Variants in NCOA7 observed in about 807,000 individuals in gnomAD.
NCOA7 encodes the protein nuclear receptor coactivator 7, also known as 140 kDa estrogen receptor-associated protein.
In NCOA7, 45 loss-of-function variants were observed where a neutral mutation model predicts 104.3. The ratio of observed to expected loss-of-function variants is 0.43; its 90% CI spans 0.34 to 0.55. The LOEUF (loss-of-function observed/expected upper bound fraction) is 0.55. Among genes scored for constraint, NCOA7 ranks in the 20% least tolerant of loss-of-function variants. NCOA7 has a pLI of 0.02. For missense variants in NCOA7, 1,041 were observed against 1,119.7 expected, an observed-to-expected ratio of 0.93 and a Z score of 1.00; for synonymous variants, 398 against 402.3, an observed-to-expected ratio of 0.99 and a Z score of 0.13.
At chr6:125,847,934 C>A (rs1433083307) in intron 2 of NCOA7, among the ~76,000 whole-genome samples, 1 of 151,960 alleles carries the variant, frequency 6.6e-6, no homozygotes, top group Non-Finnish European at 1.5e-5. Flanking sequence ...CCAGAATCTA[C>A]AAAGAACTCA....
intron 1 of NCOA7, among the ~76,000 whole-genome samples, chr6:125,799,077 T>C (rs961010677): frequency 6.6e-6 from 1 of 152,164 alleles, no homozygotes; most frequent in South Asian, 2.1e-4. Context: ...GGCTTTCTCC[T>C]GGAAGTTTAA....
rs773178871 is a variant in NCOA7 at position 125,915,423 on chromosome 6, G to T, written c.2187G>T (p.Lys729Asn). Reference sequence around the variant, plus strand: ...AGCAAGGCTTTGTGGTGGTGGAGAAGGAAGAACTGAACATGATTGACAACT... The same window carrying T: ...AGCAAGGCTTTGTGGTGGTGGAGAATGAAGAACTGAACATGATTGACAACT... ...AKEQGFVVVE[K>N]EELNMIDNFF... is the part of the protein sequence containing the mutation. Residue 729 changes from lysine (K) to asparagine (N), a missense_variant, in exon 11 of 16, where the codon AAG (lysine) becomes AAT (asparagine). By Grantham distance (94) the Lys-to-Asn change is moderately conservative (BLOSUM62 0). Coordinates refer to ENST00000392477, the MANE Select transcript of NCOA7 (RefSeq NM_181782.5). The T allele has an allele frequency of 6.2e-7, 1 of 1,613,908 alleles. No homozygotes were observed. The highest frequency in any genetic ancestry group is 8.5e-7 in the Non-Finnish European group (1 of 1,179,856).
intron 3 of NCOA7, among the ~76,000 whole-genome samples, chr6:125,861,207 A>T (rs1206214369): frequency 2.6e-5 from 4 of 152,216 alleles, no homozygotes; most frequent in Non-Finnish European, 5.9e-5. Flanking sequence ...GTTTTTTGAC[A>T]ATGTGGAAGT....
intron 2 of NCOA7, among the ~76,000 whole-genome samples, chr6:125,840,800 C>T (rs1424157626): frequency 1.3e-5 from 2 of 148,524 alleles, no homozygotes; most frequent in African/African-American, 5.0e-5. Flanking sequence ...CTTGAGTCAT[C>T]GTGCCTGGAC....
At chr6:125,895,338 C>T (rs997615767) in intron 10 of NCOA7, among the ~76,000 whole-genome samples, 2 of 151,662 alleles carry the variant, frequency 1.3e-5, no homozygotes, top group African/African-American at 2.4e-5. Context: ...AATAAGAAAG[C>T]GAAGGGAGAG....
chr6:125,880,392 C>G (rs1416602634), intron 5 of NCOA7, among the ~76,000 whole-genome samples: 1 of 152,010 alleles, frequency 6.6e-6, no homozygotes, highest in Non-Finnish European at 1.5e-5. Context: ...GAGGGCTCTT[C>G]CCTCTCTCCT....
At chr6:125,825,646 G>T (rs1403816565) in intron 2 of NCOA7, among the ~76,000 whole-genome samples, 1 of 152,182 alleles carries the variant, frequency 6.6e-6, no homozygotes, top group South Asian at 2.1e-4. Context: ...CAGTAATTTG[G>T]TTATTTTATT....
At chr6:125,840,864 GTTGGTTTTTTTTTTTTTTTTT>G (rs1780067305) in intron 2 of NCOA7, among the ~76,000 whole-genome samples, 1 of 64,062 alleles carries the variant, frequency 1.6e-5, no homozygotes, top group Non-Finnish European at 2.9e-5. Flanking sequence ...TTTTTGTTTG[GTTGGTTTTTTTTTTTTTTTTT>G]TTTTTTTTTT....
chr6:125,861,629 C>T (rs952311077), intron 3 of NCOA7, among the ~76,000 whole-genome samples: 2 of 152,102 alleles, frequency 1.3e-5, no homozygotes, highest in Admixed American at 1.3e-4. Context: ...TAGGCCTGTG[C>T]TTCTTGGGAC....
chr6:125,790,634 G>C (rs1458460682), upstream of NCOA7: 29 of 151,730 alleles, frequency 1.9e-4, no homozygotes, highest in Admixed American at 1.7e-3. Context: ...CGAGCTCCCA[G>C]GCCCCCGCAA....
intron 3 of NCOA7, among the ~76,000 whole-genome samples, chr6:125,869,144 T>A (rs1313887411): frequency 3.9e-5 from 6 of 152,194 alleles, no homozygotes. Flanking sequence ...CTGTACGGAT[T>A]CTGTTTTCAA....
intron 9 of NCOA7, 29 bp downstream of exon 9, chr6:125,890,010 A>G: frequency 1.4e-6 from 2 of 1,451,060 alleles, no homozygotes; most frequent in Non-Finnish European, 1.8e-6. Context: ...ATGCCTTTAT[A>G]TTCTGTTGCA....
At chr6:125,830,897 A>T (rs1183385186) in intron 2 of NCOA7, among the ~76,000 whole-genome samples, 1 of 151,750 alleles carries the variant, frequency 6.6e-6, no homozygotes, top group African/African-American at 2.4e-5. Context: ...TCTGAATTGG[A>T]ATTTTGTCTT....
intron 1 of NCOA7, among the ~76,000 whole-genome samples, chr6:125,796,014 G>A (rs1775289498): frequency 6.6e-6 from 1 of 152,064 alleles, no homozygotes; most frequent in Non-Finnish European, 1.5e-5. Context: ...TCTCCATGCT[G>A]TTCCCTCTGC....
intron 2 of NCOA7, among the ~76,000 whole-genome samples, chr6:125,839,013 C>T (rs1012692686): frequency 1.3e-5 from 2 of 152,058 alleles, no homozygotes; most frequent in Non-Finnish European, 1.5e-5. Context: ...ATAGTGTGTT[C>T]ATCACCCTGG....
At position 125,915,840 on chromosome 6, in the gene NCOA7, T is replaced by C. The variant is rs574255465; in HGVS notation, c.2244+360T>C. Reference sequence around the variant, plus strand: ...TTGCAGGTACTCATAGCTGCCATTATAGAACAGAAGCAACCATAGTATGTA... The same window carrying C: ...TTGCAGGTACTCATAGCTGCCATTACAGAACAGAAGCAACCATAGTATGTA... On this transcript the variant is annotated intron_variant, in intron 11 of 15. Transcript: ENST00000392477. Among the ~76,000 whole-genome samples the C allele has an allele frequency of 1.1e-4, 16 of 152,340 alleles. No individual in the cohort carries two copies. The South Asian group carries it at 3.3e-3, about 32-fold the overall frequency.
chr6:125,921,131 C>G, intron 12 of NCOA7, 63 bp downstream of exon 12: 1 of 1,575,248 alleles, frequency 6.3e-7, no homozygotes, highest in Non-Finnish European at 8.6e-7. Flanking sequence ...TTCCCTTGGC[C>G]AGGTACAGTG....
In NCOA7 at chr6:125,881,112, A is replaced by C. The variant is rs771850255; in HGVS notation, c.482A>C (p.Asn161Thr). Residue 161 changes from asparagine (N) to threonine (T), a missense_variant, in exon 6 of 16, where the codon AAC (asparagine) becomes ACC (threonine). Asn to Thr is a moderately conservative substitution (Grantham distance 65). Around this residue, in one of 2 missense-constraint regions of NCOA7, gnomAD observed 914 missense variants for 942.7 expected, o/e 0.97. Coordinates refer to ENST00000392477, the MANE Select transcript of NCOA7 (RefSeq NM_181782.5). ...PGQVLFVPDA[N>T]SPSSTLRLSS... ...CAGGTCCTTTTTGTGCCAGATGCCA[A>C]CTCTCCTTCCAGTACCTTAAGGCTA... The C allele has an allele frequency of 1.9e-6, 3 of 1,613,508 alleles. No individual in the cohort carries two copies. Among genetic ancestry groups the C allele is most frequent in the South Asian group, 2.2e-5 (2 of 91,044 alleles).
chr6:125,796,818 C>G (rs1182204504), intron 1 of NCOA7: 2 of 152,048 alleles, frequency 1.3e-5, no homozygotes, highest in Non-Finnish European at 2.9e-5. Context: ...CCAAGCCTGG[C>G]TAATTTTTGT....
Sources: gnomAD v4.1 joint callset for allele counts (sites outside exome capture counted in the v4.1 genomes callset) on GRCh38, gnomAD v4.1.1 for gene constraint, gnomAD v4.1.1 regional missense constraint, MANE v1.5 for transcripts, NCBI Gene and HGNC (gene_info 2026-07-23, HGNC 2026-07-21) for gene names.